Variants in SGCD observed in about 807,000 individuals in gnomAD.
SGCD encodes the protein sarcoglycan delta, also known as delta-sarcoglycan.
Under a neutral mutation model 36.6 loss-of-function variants are expected in SGCD, and 18 were observed. The observed-to-expected ratio is 0.49, with a 90% confidence interval of 0.34 to 0.73. SGCD has a LOEUF of 0.73. Among genes scored for constraint, SGCD ranks in the 30% least tolerant of loss-of-function variants. SGCD has a pLI of 0.01. For missense variants in SGCD, 387 were observed against 346.7 expected (o/e 1.12, Z -0.92); for synonymous variants, 133 against 130.6 (o/e 1.02, Z -0.12).
At chr5:156,111,621 C>G (rs1350953550) in intron 1 of SGCD, among the ~76,000 whole-genome samples, 1 of 151,972 alleles carries the variant, frequency 6.6e-6, no homozygotes, top group Admixed American at 6.6e-5. Flanking sequence ...GCACTCTTCT[C>G]CATATGAGAG....
intron 7 of SGCD, among the ~76,000 whole-genome samples, chr5:156,652,390 A>G (rs1763495200): frequency 6.6e-6 from 1 of 152,046 alleles, no homozygotes; most frequent in Non-Finnish European, 1.5e-5. Context: ...TTGGGATGCT[A>G]AGGCATGAGG....
At chr5:155,860,674 C>T in the SGCD span, among the ~76,000 whole-genome samples, 1,617 of 152,284 alleles carry the variant, frequency 0.011, 29 homozygotes, top group South Asian at 0.093. Context: ...GCAAAGTATT[C>T]TTGATGAGAT....
chr5:155,995,018 C>G (rs1443239120), intron 1 of SGCD, among the ~76,000 whole-genome samples: 1 of 152,196 alleles, frequency 6.6e-6, no homozygotes, highest in Non-Finnish European at 1.5e-5. Context: ...CCTTTATCCT[C>G]TAAACCACAG....
chr5:155,823,900 A>G, the SGCD span, among the ~76,000 whole-genome samples: 1,465 of 152,300 alleles, frequency 9.6e-3, 24 homozygotes, highest in African/African-American at 0.034. Context: ...TTCTTGTTCT[A>G]ATCCCAGATT....
At chr5:155,817,188 C>T in the SGCD span, among the ~76,000 whole-genome samples, 1 of 152,014 alleles carries the variant, frequency 6.6e-6, no homozygotes, top group Non-Finnish European at 1.5e-5. Context: ...AGATTGCCTC[C>T]TGGTTTTATT....
At chr5:156,079,000 C>A in intron 1 of SGCD, among the ~76,000 whole-genome samples, 1 of 140,430 alleles carries the variant, frequency 7.1e-6, no homozygotes. Flanking sequence ...AAAGAAATAG[C>A]TGAGACTGGG....
At chr5:155,832,820 G>A in the SGCD span, among the ~76,000 whole-genome samples, 1 of 152,020 alleles carries the variant, frequency 6.6e-6, no homozygotes, top group African/African-American at 2.4e-5. Flanking sequence ...TAATTAATAA[G>A]TAAGTTTCAT....
At chr5:156,527,163 C>T (rs980253862) in intron 4 of SGCD, among the ~76,000 whole-genome samples, 1 of 152,154 alleles carries the variant, frequency 6.6e-6, no homozygotes, top group East Asian at 1.9e-4. Flanking sequence ...TTCAGCCAGA[C>T]TCATACTATA....
At chr5:156,709,636 G>T (rs1051926343) in intron 7 of SGCD, among the ~76,000 whole-genome samples, 1 of 152,050 alleles carries the variant, frequency 6.6e-6, no homozygotes, top group Non-Finnish European at 1.5e-5. Flanking sequence ...TTATATCCCT[G>T]CAAGCCACCA....
chr5:156,268,742 G>A (rs1331223304), intron 3 of SGCD, among the ~76,000 whole-genome samples: 3 of 152,056 alleles, frequency 2.0e-5, no homozygotes, highest in Admixed American at 6.6e-5. Context: ...AGAGGCATGC[G>A]CCATCACGCC....
intron 3 of SGCD, among the ~76,000 whole-genome samples, chr5:156,177,444 A>T (rs1347090916): frequency 6.6e-6 from 1 of 152,156 alleles, no homozygotes; most frequent in African/African-American, 2.4e-5. Context: ...TATCTTATTG[A>T]GCTAGAGAAA....
chr5:156,161,417 T>TA (rs1481837974), intron 3 of SGCD, among the ~76,000 whole-genome samples: 1 of 151,802 alleles, frequency 6.6e-6, no homozygotes, highest in Non-Finnish European at 1.5e-5. Context: ...CTCACAGTAA[T>TA]TAAGTGCTTA....
chr5:156,223,237 C>G (rs1764763434), intron 3 of SGCD, among the ~76,000 whole-genome samples: 1 of 151,980 alleles, frequency 6.6e-6, no homozygotes, highest in African/African-American at 2.4e-5. Context: ...GTTCATGACA[C>G]AAGATTGTGG....
intron 3 of SGCD, among the ~76,000 whole-genome samples, chr5:156,393,512 CTGTGAT>C (rs1771690804): frequency 6.6e-6 from 1 of 152,148 alleles, no homozygotes. Context: ...GATGCTCTTG[CTGTGAT>C]TTAGTTTATT....
intron 4 of SGCD, among the ~76,000 whole-genome samples, chr5:156,520,103 A>G (rs34200624): frequency 0.068 from 10,299 of 152,256 alleles, 463 homozygotes; most frequent in Non-Finnish European, 0.098. Flanking sequence ...ATATGATCCT[A>G]TATCTAGAAA....
intron 3 of SGCD, among the ~76,000 whole-genome samples, chr5:156,193,295 G>T (rs900748208): frequency 9.2e-5 from 14 of 152,086 alleles, no homozygotes; most frequent in Admixed American, 9.2e-4. Context: ...AGCCATACAG[G>T]AACGCGTGCT....
At chr5:155,940,350 A>G (rs1367323002) in intron 1 of SGCD, among the ~76,000 whole-genome samples, 1 of 152,098 alleles carries the variant, frequency 6.6e-6, no homozygotes, top group Admixed American at 6.6e-5. Flanking sequence ...GGTTGTTTGG[A>G]TAGCAGACCT....
chr5:156,184,778 G>A, intron 3 of SGCD, among the ~76,000 whole-genome samples: 1 of 152,172 alleles, frequency 6.6e-6, no homozygotes, highest in East Asian at 1.9e-4. Flanking sequence ...ACCATGCCAA[G>A]ATAAGGGCAC....
At chr5:156,067,693 G>T (rs1168076184) in intron 1 of SGCD, among the ~76,000 whole-genome samples, 1 of 120,138 alleles carries the variant, frequency 8.3e-6, no homozygotes, top group Non-Finnish European at 1.6e-5. Flanking sequence ...GGGTGGGAGT[G>T]ACCCTATTTT....
Sources: allele counts gnomAD v4.1 joint callset (sites outside exome capture counted in the v4.1 genomes callset), GRCh38; gene constraint gnomAD v4.1.1; transcripts MANE v1.5; gene names NCBI Gene and HGNC (gene_info 2026-07-23, HGNC 2026-07-21).